The following SGCZ variants were observed in gnomAD, a reference collection of about 807,000 sequenced individuals.
SGCZ encodes zeta-sarcoglycan.
A neutral mutation model predicts 41.3 loss-of-function variants in SGCZ; 40 were observed. The ratio of observed to expected loss-of-function variants is 0.97; its 90% CI spans 0.75 to 1.26. SGCZ has a LOEUF of 1.26. SGCZ is among the 50% of genes most tolerant of loss of function. The pLI, the probability that SGCZ is intolerant of heterozygous loss-of-function variation, is 0.00. For missense variants in SGCZ, 552 were observed against 369.8 expected, an observed-to-expected ratio of 1.49 and a Z score of -4.04; for synonymous variants, 206 against 137.5, an observed-to-expected ratio of 1.50 and a Z score of -3.49.
At chr8:14,360,617 C>T (rs780907081) in intron 2 of SGCZ, among the ~76,000 whole-genome samples, 4 of 150,526 alleles carry the variant, frequency 2.7e-5, no homozygotes, top group Non-Finnish European at 4.4e-5. Context: ...TGAGTCACCG[C>T]GCCTGGCTGT....
rs1563356547 is a variant in SGCZ, at chr8:14,479,739, T to TTTTTTTC, written c.234+74992_234+74993insGAAAAAA. On this transcript the variant is annotated intron_variant, in intron 2 of 7. Coordinates refer to ENST00000382080, the MANE Select transcript of SGCZ (RefSeq NM_139167.4). ...CCTCCAGAATTCTACTTCTTTTTTT[T>TTTTTTTC]TTTTTTTTTTTTTTTTTTTTTTATT... 2.7e-3 allele frequency among the ~76,000 whole-genome samples: 63 copies of TTTTTTTC among 23,426 alleles called. 2 individuals are homozygous for TTTTTTTC. Among genetic ancestry groups the TTTTTTTC allele is most frequent in the South Asian group, 0.014 (8 of 560 alleles). 15.4% of individuals were successfully genotyped at this position (23,426 alleles called of 152,430 possible). A position where few individuals can be genotyped will look rare whatever the true frequency, so the allele number is the denominator to read the frequency against.
chr8:14,198,149 T>C (rs901106355), intron 4 of SGCZ, among the ~76,000 whole-genome samples: 7 of 152,258 alleles, frequency 4.6e-5, no homozygotes, highest in Non-Finnish European at 1.0e-4. Context: ...CTGAGTAGCA[T>C]GATGAAATCA....
intron 1 of SGCZ, among the ~76,000 whole-genome samples, chr8:14,697,238 T>G (rs1333637169): frequency 1.3e-5 from 2 of 152,044 alleles, no homozygotes; most frequent in Non-Finnish European, 2.9e-5. Flanking sequence ...TCACAATGCT[T>G]GAATTCAAAT....
intron 1 of SGCZ, among the ~76,000 whole-genome samples, chr8:14,757,701 G>T (rs979876179): frequency 6.6e-6 from 1 of 152,134 alleles, no homozygotes; most frequent in Non-Finnish European, 1.5e-5. Flanking sequence ...ACAAAGAATT[G>T]ACCTTCCAAA....
intron 2 of SGCZ, among the ~76,000 whole-genome samples, chr8:14,443,330 CA>C (rs1563332871): frequency 6.6e-6 from 1 of 151,994 alleles, no homozygotes; most frequent in African/African-American, 2.4e-5. Flanking sequence ...CATATGGAAC[CA>C]AAAAAGAGCC....
At chr8:14,210,134 A>G (rs1313623171) in intron 4 of SGCZ, among the ~76,000 whole-genome samples, 1 of 151,978 alleles carries the variant, frequency 6.6e-6, no homozygotes, top group East Asian at 1.9e-4. Flanking sequence ...CCTGGCTCAC[A>G]GCAACCTCCG....
At chr8:14,852,454 C>T (rs1337929244) in intron 1 of SGCZ, among the ~76,000 whole-genome samples, 2 of 152,090 alleles carry the variant, frequency 1.3e-5, no homozygotes, top group East Asian at 1.9e-4. Flanking sequence ...GGAAGCTGTA[C>T]TTATTATATG....
At chr8:15,016,690 A>AT (rs1368656082) in intron 1 of SGCZ, among the ~76,000 whole-genome samples, 1 of 152,138 alleles carries the variant, frequency 6.6e-6, no homozygotes, top group Non-Finnish European at 1.5e-5. Context: ...GTGTTAGTCT[A>AT]TTTTACATTG....
chr8:14,138,301 TA>T (rs1293687533), intron 5 of SGCZ, among the ~76,000 whole-genome samples: 4 of 152,170 alleles, frequency 2.6e-5, no homozygotes, highest in African/African-American at 4.8e-5. Flanking sequence ...GCTAACATTA[TA>T]ATGACAGGAT....
chr8:14,906,085 C>G (rs533709787), intron 1 of SGCZ, among the ~76,000 whole-genome samples: 1 of 151,870 alleles, frequency 6.6e-6, no homozygotes, highest in Non-Finnish European at 1.5e-5. Flanking sequence ...TCACTGAGAT[C>G]GACAAAAGGC....
chr8:15,071,758 G>A (rs1239864711), intron 1 of SGCZ, among the ~76,000 whole-genome samples: 1 of 152,124 alleles, frequency 6.6e-6, no homozygotes, highest in Non-Finnish European at 1.5e-5. Context: ...AATCAGATGG[G>A]TAGTCGGGTA....
intron 2 of SGCZ, among the ~76,000 whole-genome samples, chr8:14,468,565 T>A (rs1801116990): frequency 6.6e-6 from 1 of 152,076 alleles, no homozygotes; most frequent in Non-Finnish European, 1.5e-5. Flanking sequence ...TCCACAATAT[T>A]GAATGTGCAG....
intron 1 of SGCZ, chr8:14,879,117 G>T (rs1202129982): frequency 6.6e-6 from 1 of 152,018 alleles, no homozygotes; most frequent in East Asian, 1.9e-4. Flanking sequence ...TTGAGCTCAG[G>T]AATTTAAGAC....
chr8:14,394,066 C>T (rs949989479), intron 2 of SGCZ, among the ~76,000 whole-genome samples: 1 of 151,394 alleles, frequency 6.6e-6, no homozygotes, highest in African/African-American at 2.4e-5. Context: ...TTTATGTTCG[C>T]AGGAAAACAG....
chr8:15,164,877 C>T (rs1160885079), intron 1 of SGCZ, among the ~76,000 whole-genome samples: 3 of 152,058 alleles, frequency 2.0e-5, no homozygotes, highest in African/African-American at 7.2e-5. Context: ...TCCTGACTTA[C>T]GGAATAAGCT....
chr8:14,654,743 T>A (rs1807507964), intron 1 of SGCZ, among the ~76,000 whole-genome samples: 1 of 152,038 alleles, frequency 6.6e-6, no homozygotes. Flanking sequence ...AGCTAATTTT[T>A]TTTTTTTTTG....
chr8:14,319,283 G>C (rs1041338481), intron 3 of SGCZ, among the ~76,000 whole-genome samples: 5 of 151,888 alleles, frequency 3.3e-5, no homozygotes, highest in African/African-American at 1.2e-4. Context: ...AAATACCAAG[G>C]TGCCCTTGGA....
chr8:14,856,468 C>T (rs4560789), intron 1 of SGCZ, among the ~76,000 whole-genome samples: 2 of 152,110 alleles, frequency 1.3e-5, no homozygotes, highest in Admixed American at 6.5e-5. Context: ...ATGCATGTGG[C>T]CAAAGTTTTC....
intron 1 of SGCZ, among the ~76,000 whole-genome samples, chr8:15,031,311 G>A (rs533352042): frequency 3.9e-4 from 59 of 152,128 alleles, no homozygotes; most frequent in Admixed American, 1.3e-3. Context: ...CTCATGCCTC[G>A]CCCAGGCCTT....
Sources: allele counts gnomAD v4.1 joint callset (sites outside exome capture counted in the v4.1 genomes callset), GRCh38; gene constraint gnomAD v4.1.1; transcripts MANE v1.5; gene names NCBI Gene and HGNC (gene_info 2026-07-23, HGNC 2026-07-21).